The following RASEF variants were observed in gnomAD, a reference collection of about 807,000 sequenced individuals.
RASEF encodes ras and EF-hand domain-containing protein.
Under a neutral mutation model 90.1 loss-of-function variants are expected in RASEF, and 68 were observed. That is an observed-to-expected ratio of 0.75 (90% CI 0.62 to 0.92). The LOEUF is 0.92. Ranked by LOEUF, RASEF falls within the 40% of genes least tolerant of loss-of-function variation. The pLI is 0.00. For synonymous variants in RASEF, 331 were observed against 345.2 expected (o/e 0.96, Z 0.46); for missense variants, 949 against 937.2 (o/e 1.01, Z -0.16).
chr9:83,204,244 T>G, the RASEF span, among the ~76,000 whole-genome samples: 1 of 152,018 alleles, frequency 6.6e-6, no homozygotes, highest in Non-Finnish European at 1.5e-5. Flanking sequence ...GGTTGGCCAC[T>G]AGATGGAGGA....
chr9:83,018,487 T>C (rs979986786), intron 3 of RASEF, among the ~76,000 whole-genome samples: 3 of 151,608 alleles, frequency 2.0e-5, no homozygotes, highest in Non-Finnish European at 4.4e-5. Context: ...TTCAATACTG[T>C]TGTCAATTCT....
the RASEF span, among the ~76,000 whole-genome samples, chr9:83,158,676 A>G: frequency 2.0e-5 from 3 of 147,592 alleles, no homozygotes; most frequent in Admixed American, 2.0e-4. Context: ...GTATATATTT[A>G]TGTACATATA....
the RASEF span, among the ~76,000 whole-genome samples, chr9:83,072,345 G>A: frequency 1.3e-5 from 2 of 152,116 alleles, no homozygotes; most frequent in East Asian, 3.9e-4. Context: ...TGTTTCCTCT[G>A]TCCAGTATCC....
chr9:83,079,323 G>A, the RASEF span, among the ~76,000 whole-genome samples: 3 of 152,156 alleles, frequency 2.0e-5, no homozygotes, highest in Admixed American at 6.5e-5. Context: ...TTTCCCCATT[G>A]CTTGTTTTTG....
chr9:83,057,290 TAAAGACTCCTATA>T (rs1830119611), intron 1 of RASEF, among the ~76,000 whole-genome samples: 1 of 152,172 alleles, frequency 6.6e-6, no homozygotes, highest in African/African-American at 2.4e-5. Flanking sequence ...TAGAAAACCC[TAAAGACTCCTATA>T]AAAGACTCCT....
chr9:83,200,553 C>G, the RASEF span, among the ~76,000 whole-genome samples: 2,152 of 152,274 alleles, frequency 0.014, 41 homozygotes, highest in African/African-American at 0.048. Context: ...CGAGACACTC[C>G]GGCCACTGTA....
At chr9:83,177,918 G>A in the RASEF span, among the ~76,000 whole-genome samples, 1 of 151,784 alleles carries the variant, frequency 6.6e-6, no homozygotes, top group Non-Finnish European at 1.5e-5. Flanking sequence ...CATGCTTACC[G>A]ATTTTCTTCA....
chr9:83,174,990 A>ACTGG, the RASEF span, among the ~76,000 whole-genome samples: 6 of 152,248 alleles, frequency 3.9e-5, no homozygotes, highest in South Asian at 1.0e-3. Context: ...TGGAAAACTC[A>ACTGG]TTTATTAGTT....
the RASEF span, among the ~76,000 whole-genome samples, chr9:83,093,518 C>T: frequency 6.6e-6 from 1 of 152,252 alleles, no homozygotes; most frequent in African/African-American, 2.4e-5. Context: ...ACCCAGTACA[C>T]CCTCCGCAGC....
chr9:83,182,017 G>C, the RASEF span, among the ~76,000 whole-genome samples: 2 of 152,182 alleles, frequency 1.3e-5, no homozygotes, highest in African/African-American at 4.8e-5. Context: ...CCTGGAGTCA[G>C]AGTCCCTTCT....
the RASEF span, among the ~76,000 whole-genome samples, chr9:83,185,670 A>G: frequency 6.6e-6 from 1 of 152,250 alleles, no homozygotes; most frequent in South Asian, 2.1e-4. Flanking sequence ...CTGTTTCTCA[A>G]TATAAGCTGA....
the RASEF span, among the ~76,000 whole-genome samples, chr9:83,129,312 C>G: frequency 6.6e-6 from 1 of 150,804 alleles, no homozygotes; most frequent in Admixed American, 6.6e-5. Flanking sequence ...GAGGCTGAGG[C>G]AGGAGAATGG....
chr9:83,048,023 A>C, intron 1 of RASEF: 1 of 710,692 alleles, frequency 1.4e-6, no homozygotes, highest in Non-Finnish European at 1.7e-6. Context: ...TCCAGAGCTG[A>C]AAAGTGGCTG....
the RASEF span, among the ~76,000 whole-genome samples, chr9:83,191,324 T>C: frequency 1.3e-5 from 2 of 152,238 alleles, no homozygotes; most frequent in East Asian, 3.9e-4. Flanking sequence ...ACAGAAGACA[T>C]CTTAGTTGGA....
the RASEF span, among the ~76,000 whole-genome samples, chr9:83,217,543 A>G: frequency 6.6e-6 from 1 of 152,168 alleles, no homozygotes; most frequent in African/African-American, 2.4e-5. Flanking sequence ...ATGGTAGTGA[A>G]TAAGTTTCTC....
chr9:83,034,522 G>T (rs1174471608), intron 1 of RASEF, among the ~76,000 whole-genome samples: 4 of 152,214 alleles, frequency 2.6e-5, no homozygotes, highest in Non-Finnish European at 5.9e-5. Context: ...TTCCCTGGAA[G>T]ATGAGAGAGT....
chr9:83,196,130 T>C, the RASEF span, among the ~76,000 whole-genome samples: 1 of 151,870 alleles, frequency 6.6e-6, no homozygotes, highest in Non-Finnish European at 1.5e-5. Context: ...GAGGGGCAGG[T>C]TGAAGTGGAA....
chr9:83,100,148 G>A, the RASEF span, among the ~76,000 whole-genome samples: 2 of 152,194 alleles, frequency 1.3e-5, no homozygotes, highest in Non-Finnish European at 2.9e-5. Flanking sequence ...AGAACTTTGA[G>A]CTTGTGAAAG....
chr9:83,048,517 G>T (rs1029330308), intron 1 of RASEF: 11 of 985,026 alleles, frequency 1.1e-5, no homozygotes, highest in Non-Finnish European at 1.3e-5. Flanking sequence ...GCAGTCCTGG[G>T]CATACAGTGG....
Sources: allele counts gnomAD v4.1 joint callset (sites outside exome capture counted in the v4.1 genomes callset), GRCh38; gene constraint gnomAD v4.1.1; transcripts MANE v1.5; gene names NCBI Gene and HGNC (gene_info 2026-07-23, HGNC 2026-07-21).